Variants in PDE10A observed in about 807,000 individuals in gnomAD.
PDE10A encodes cAMP and cAMP-inhibited cGMP 3',5'-cyclic phosphodiesterase 10A.
PDE10A carries 39 observed loss-of-function variants against 97.7 expected under a neutral mutation model. The observed-to-expected ratio is 0.40, with a 90% CI of 0.31 to 0.52. The LOEUF (loss-of-function observed/expected upper bound fraction) is 0.52, where lower values mean the gene tolerates loss of function less well. Among genes scored for constraint, PDE10A ranks in the 20% least tolerant of loss-of-function variants. The pLI, the probability that PDE10A is intolerant of heterozygous loss-of-function variation, is 0.56. For synonymous variants in PDE10A, 371 were observed against 376.8 expected, an observed-to-expected ratio of 0.98 and a Z score of 0.18; for missense variants, 731 against 1,047.8, an observed-to-expected ratio of 0.70 and a Z score of 4.17.
intron 1 of PDE10A, among the ~76,000 whole-genome samples, chr6:165,919,160 C>T (rs1273514431): frequency 1.3e-5 from 2 of 152,314 alleles, no homozygotes; most frequent in Admixed American, 6.5e-5. Context: ...CATGCCTTCA[C>T]GGAATTCTTC....
intron 1 of PDE10A, among the ~76,000 whole-genome samples, chr6:165,937,454 T>C (rs1310556983): frequency 6.6e-6 from 1 of 152,218 alleles, no homozygotes; most frequent in African/African-American, 2.4e-5. Flanking sequence ...CAGTCTCATA[T>C]TGCATCCAAA....
At chr6:165,404,683 C>T (rs1024842276) in intron 13 of PDE10A, among the ~76,000 whole-genome samples, 11 of 151,886 alleles carry the variant, frequency 7.2e-5, no homozygotes, top group African/African-American at 2.7e-4. Context: ...GAAAAAAAAT[C>T]TAAGAATGGA....
rs1022115496 is a variant in PDE10A at position 165,789,786 on chromosome 6, C to A, written c.-615+197743G>T. On this transcript the variant is annotated intron_variant, in intron 1 of 19. Transcript: ENST00000366882. Reference sequence around the variant, plus strand: ...CTTGCCAAAGACATGCTTTATCTTACTTTTCTCCTTTAGATTCTCAGGCAC... The same window carrying A: ...CTTGCCAAAGACATGCTTTATCTTAATTTTCTCCTTTAGATTCTCAGGCAC... Among the ~76,000 whole-genome samples the A allele has an allele frequency of 2.1e-5, 3 of 146,326 alleles. No homozygotes were observed. The Admixed American group carries it at 2.1e-4, about 10-fold the overall frequency.
At chr6:165,713,096 C>G (rs771687800) in intron 1 of PDE10A, among the ~76,000 whole-genome samples, 7 of 152,202 alleles carry the variant, frequency 4.6e-5, no homozygotes, top group Non-Finnish European at 8.8e-5. Context: ...GTGCCGCACA[C>G]GTGAACTCAA....
chr6:165,581,441 T>C (rs988977280), intron 1 of PDE10A, among the ~76,000 whole-genome samples: 1 of 152,058 alleles, frequency 6.6e-6, no homozygotes, highest in East Asian at 1.9e-4. Flanking sequence ...AGAGATGACT[T>C]ATCTCTCAAA....
At chr6:165,673,987 T>TA (rs1790721661) in intron 1 of PDE10A, among the ~76,000 whole-genome samples, 4 of 116,890 alleles carry the variant, frequency 3.4e-5, no homozygotes, top group African/African-American at 5.8e-5. Flanking sequence ...TTAAAATTTT[T>TA]TAAAGTGTTT....
At chr6:165,865,837 T>C (rs1034450364) in intron 1 of PDE10A, among the ~76,000 whole-genome samples, 5 of 151,918 alleles carry the variant, frequency 3.3e-5, no homozygotes, top group Admixed American at 2.0e-4. Flanking sequence ...CAAGAAGAGA[T>C]GAGTAAAGTA....
Position 165,712,888 on chromosome 6 carries a change from C to T in PDE10A, c.-614-169320G>A, listed in dbSNP as rs141006330. Among the ~76,000 whole-genome samples, 643 of 152,242 alleles carry T rather than the reference C, an allele frequency of 4.2e-3. 3 individuals are homozygous for T. The highest frequency in any genetic ancestry group is 0.015 in the African/African-American group (611 of 41,558). On this transcript the variant is annotated intron_variant, in intron 1 of 19. Transcript: ENST00000366882. ...ATCTCCTGACCTCGTGATCTGCCTG[C>T]CTCGGCCTCCCAGAGTGCTGGGATT...
At position 165,891,116 on chromosome 6, in the gene PDE10A, T is replaced by C. The variant is rs945079208; in HGVS notation, c.-615+96413A>G. Among the ~76,000 whole-genome samples the C allele has an allele frequency of 2.6e-5, 4 of 152,206 alleles. No homozygotes were observed. In the South Asian group the frequency reaches 6.2e-4, roughly 24 times the overall value. On this transcript the variant is annotated intron_variant, in intron 1 of 19. Transcript: ENST00000366882. ...TGCATTCTGATCACGTTGTCACCCA[T>C]TGCGTTCCTTAAAGGGTTGGAATTT...
In PDE10A at chr6:165,330,545, T is replaced by C. The variant is rs1255465801; in HGVS notation, c.*2480A>G. On this transcript the variant is annotated 3_prime_UTR_variant, in exon 22 of 22. Transcript: ENST00000539869. ...GACAGTTTATATCAGAATTCAGTCT[T>C]TTGTTCAAGCTGTGCTTCTATTATG... The C allele has an allele frequency of 6.6e-6, 1 of 152,208 alleles. No individual in the cohort carries two copies. Among genetic ancestry groups the C allele is most frequent in the African/African-American group, 2.4e-5 (1 of 41,460 alleles). 9.4% of individuals were successfully genotyped at this position (152,208 alleles called of 1,614,324 possible). A position where few individuals can be genotyped will look rare whatever the true frequency, so the allele number is the denominator to read the frequency against.
intron 1 of PDE10A, among the ~76,000 whole-genome samples, chr6:165,597,323 A>G (rs2128391238): frequency 6.6e-6 from 1 of 152,334 alleles, no homozygotes; most frequent in East Asian, 1.9e-4. Flanking sequence ...AAGTTTCTTA[A>G]TAGTCACTTT....
chr6:165,560,426 C>T (rs770056804), intron 1 of PDE10A, among the ~76,000 whole-genome samples: 8 of 152,186 alleles, frequency 5.3e-5, no homozygotes, highest in Non-Finnish European at 1.0e-4. Flanking sequence ...CAGAAGAGAA[C>T]TAAGTAACGC....
chr6:165,448,138 C>A (rs1276822968), intron 5 of PDE10A, among the ~76,000 whole-genome samples: 1 of 152,148 alleles, frequency 6.6e-6, no homozygotes, highest in Non-Finnish European at 1.5e-5. Context: ...TCTAAGATAG[C>A]AATGCCTAAC....
At chr6:165,691,182 TCTCTCC>T (rs1250936517) in intron 1 of PDE10A, among the ~76,000 whole-genome samples, 241 of 10,850 alleles carry the variant, frequency 0.022, 10 homozygotes, top group African/African-American at 0.047. Context: ...TCTCTCTCTC[TCTCTCC>T]CTCTCTCTCT....
chr6:165,524,687 A>G (rs1200587650), intron 2 of PDE10A, among the ~76,000 whole-genome samples: 2 of 152,196 alleles, frequency 1.3e-5, no homozygotes, highest in Non-Finnish European at 2.9e-5. Context: ...TCTCCTGCAG[A>G]GGAAGAGCTG....
At chr6:165,828,028 G>A (rs896756121) in intron 1 of PDE10A, among the ~76,000 whole-genome samples, 3 of 152,310 alleles carry the variant, frequency 2.0e-5, no homozygotes, top group Non-Finnish European at 4.4e-5. Flanking sequence ...AGCACAGGAG[G>A]GGTAAATGTC....
At chr6:165,875,246 A>G (rs79336016) in intron 1 of PDE10A, among the ~76,000 whole-genome samples, 3,778 of 152,268 alleles carry the variant, frequency 0.025, 68 homozygotes, top group South Asian at 0.11. Flanking sequence ...AGGTTGCTAC[A>G]CTGTCTGTCA....
chr6:165,332,972 A>C lies in PDE10A; in HGVS notation c.*53T>G, dbSNP rs1781427483. 9.9e-7 allele frequency: 1 copy of C among 1,011,310 alleles called. No individual in the cohort carries two copies. Among genetic ancestry groups the C allele is most frequent in the Non-Finnish European group, 1.5e-6 (1 of 661,490 alleles). The allele number at this position is 1,011,310 out of a possible 1,614,324, so 62.6% of individuals were successfully genotyped here. ...CCCCAAAAAAAGGAAAAGAATGTCA[A>C]AGAAGCAAGATGAGGATCTGTAGGT... On this transcript the variant is annotated 3_prime_UTR_variant, in exon 22 of 22. Transcript: ENST00000539869.
chr6:165,701,686 T>C (rs1791576539), intron 1 of PDE10A, among the ~76,000 whole-genome samples: 1 of 146,632 alleles, frequency 6.8e-6, no homozygotes, highest in South Asian at 2.2e-4. Context: ...TGTGTGTGCA[T>C]GTAAGTGTGT....
Sources: gnomAD v4.1 joint callset for allele counts (sites outside exome capture counted in the v4.1 genomes callset) on GRCh38, gnomAD v4.1.1 for gene constraint, MANE v1.5 for transcripts, NCBI Gene and HGNC (gene_info 2026-07-23, HGNC 2026-07-21) for gene names.